The following LRRC4C variants were observed in gnomAD, a reference collection of about 807,000 sequenced individuals.
The protein encoded by LRRC4C is leucine-rich repeat-containing protein 4C.
Under a neutral mutation model 33.6 loss-of-function variants are expected in LRRC4C, and 5 were observed. The ratio of observed to expected loss-of-function variants is 0.15; its 90% CI spans 0.08 to 0.31. LRRC4C has a LOEUF of 0.31. Ranked by LOEUF, LRRC4C falls within the 10% of genes least tolerant of loss-of-function variation. The pLI, the probability that LRRC4C is intolerant of heterozygous loss-of-function variation, is 1.00. For synonymous variants in LRRC4C, 329 were observed against 302.0 expected (o/e 1.09, Z -0.93); for missense variants, 560 against 796.7 (o/e 0.70, Z 3.58).
chr11:40,456,459 T>A, intron 3 of LRRC4C, among the ~76,000 whole-genome samples: 1 of 150,750 alleles, frequency 6.6e-6, no homozygotes, highest in Non-Finnish European at 1.5e-5. Flanking sequence ...GAAAAAAAAG[T>A]CAAGGAAATC....
intron 1 of LRRC4C, among the ~76,000 whole-genome samples, chr11:41,351,541 A>T (rs2137573350): frequency 6.6e-6 from 1 of 152,268 alleles, no homozygotes; most frequent in East Asian, 1.9e-4. Context: ...ACACATAGTC[A>T]TCAGATTCTC....
chr11:41,424,398 T>C (rs1044183351), intron 1 of LRRC4C, among the ~76,000 whole-genome samples: 3 of 152,042 alleles, frequency 2.0e-5, no homozygotes, highest in Non-Finnish European at 4.4e-5. Flanking sequence ...TTAAAGCACT[T>C]TGGGTTGAGA....
chr11:40,542,052 C>CTCTT (rs77820700), intron 3 of LRRC4C, among the ~76,000 whole-genome samples: 10,662 of 149,312 alleles, frequency 0.071, 1,053 homozygotes, highest in African/African-American at 0.22. Context: ...TTCTCTTTCT[C>CTCTT]TCTTTCTTTC....
intron 5 of LRRC4C, among the ~76,000 whole-genome samples, chr11:40,171,573 A>T (rs1172740480): frequency 7.2e-6 from 1 of 139,792 alleles, no homozygotes; most frequent in African/African-American, 2.7e-5. Context: ...TATACCACAT[A>T]AAAAAGGGGT....
intron 1 of LRRC4C, among the ~76,000 whole-genome samples, chr11:41,366,018 A>C (rs920655077): frequency 6.6e-6 from 1 of 152,228 alleles, no homozygotes; most frequent in Non-Finnish European, 1.5e-5. Flanking sequence ...AATGTGTAGG[A>C]TAATAATGGC....
Position 40,955,883 on chromosome 11 carries a change from CAT to C in LRRC4C, c.-495-22162_-495-22161del, listed in dbSNP as rs551787182. On this transcript the variant is annotated intron_variant, in intron 1 of 6. Transcript: ENST00000528697. ...TAGAAAAACTCATACATTCCACACACATGGGAGACAAATTGCTTTGTTCAGTG... is the reference window on the plus strand; with the variant it reads ...TAGAAAAACTCATACATTCCACACACGGGAGACAAATTGCTTTGTTCAGTG... Among the ~76,000 whole-genome samples, 8 of 151,908 alleles carry C rather than the reference CAT, an allele frequency of 5.3e-5. No homozygotes were observed. The South Asian group carries it at 1.4e-3, about 28-fold the overall frequency.
At chr11:41,372,454 C>T (rs544958368) in intron 1 of LRRC4C, among the ~76,000 whole-genome samples, 1 of 152,272 alleles carries the variant, frequency 6.6e-6, no homozygotes, top group Non-Finnish European at 1.5e-5. Flanking sequence ...ATTATTGATA[C>T]ATGCATTTGG....
intron 1 of LRRC4C, among the ~76,000 whole-genome samples, chr11:41,335,338 G>A (rs1046481625): frequency 6.6e-6 from 1 of 152,042 alleles, no homozygotes; most frequent in African/African-American, 2.4e-5. Context: ...AGAGTTTAAG[G>A]GAAAGAATTT....
rs75840680 is a variant in LRRC4C at position 40,952,634 on chromosome 11, G to A, written c.-495-18911C>T. ...GATATGTATATATGATTTGGTTGAA[G>A]CAAACAGATGGGTAGAGGTCCAACA... On this transcript the variant is annotated intron_variant, in intron 1 of 6. Transcript: ENST00000528697. Among the ~76,000 whole-genome samples the A allele has an allele frequency of 2.4e-4, 36 of 152,028 alleles. 2 individuals are homozygous for A. In the East Asian group the frequency reaches 6.2e-3, roughly 26 times the overall value.
At chr11:40,153,331 A>G (rs1160365506) in intron 5 of LRRC4C, among the ~76,000 whole-genome samples, 1 of 152,172 alleles carries the variant, frequency 6.6e-6, no homozygotes, top group African/African-American at 2.4e-5. Flanking sequence ...GAGCCTATCC[A>G]AATGAGAAGG....
At chr11:40,733,011 C>T in intron 2 of LRRC4C, among the ~76,000 whole-genome samples, 1 of 147,548 alleles carries the variant, frequency 6.8e-6, no homozygotes, top group East Asian at 2.0e-4. Context: ...ACTACCATCA[C>T]AGAGGTTGGA....
chr11:40,840,021 A>G (rs1041767274), intron 2 of LRRC4C, among the ~76,000 whole-genome samples: 1 of 152,200 alleles, frequency 6.6e-6, no homozygotes, highest in African/African-American at 2.4e-5. Context: ...GAAAATGGAA[A>G]TATTATTCTT....
chr11:40,934,846 T>G lies in LRRC4C; in HGVS notation c.-495-1123A>C, dbSNP rs1957799628. ...TACTTGTTCTACACATTTAGAGTGC[T>G]AATAAGCTATTTATATTTAGAATAT... is the stretch of plus-strand genomic sequence containing the variant. On this transcript the variant is annotated intron_variant, in intron 1 of 6. Coordinates refer to ENST00000528697, the MANE Select transcript of LRRC4C (RefSeq NM_001258419.2). Among the ~76,000 whole-genome samples, 2 of 152,188 alleles carry G rather than the reference T, an allele frequency of 1.3e-5. 1 individual carries two copies. The highest frequency in any genetic ancestry group is 4.1e-4 in the South Asian group (2 of 4,834).
chr11:40,538,434 C>T (rs1407430960), intron 3 of LRRC4C, among the ~76,000 whole-genome samples: 1 of 152,188 alleles, frequency 6.6e-6, no homozygotes, highest in Non-Finnish European at 1.5e-5. Context: ...TTTCCAGCTT[C>T]ATCCATGTTC....
intron 1 of LRRC4C, among the ~76,000 whole-genome samples, chr11:41,141,683 T>TTC (rs1332820417): frequency 1.3e-5 from 2 of 152,096 alleles, no homozygotes; most frequent in East Asian, 3.9e-4. Context: ...CTGGCATTCA[T>TTC]TCTCTCTCCT....
intron 4 of LRRC4C, among the ~76,000 whole-genome samples, chr11:40,243,085 A>G (rs1866046532): frequency 6.6e-6 from 1 of 152,208 alleles, no homozygotes; most frequent in African/African-American, 2.4e-5. Flanking sequence ...CAATATTTCT[A>G]GAAAATTAAT....
intron 4 of LRRC4C, among the ~76,000 whole-genome samples, chr11:40,305,460 A>G (rs2136698601): frequency 6.6e-6 from 1 of 152,330 alleles, no homozygotes; most frequent in East Asian, 1.9e-4. Context: ...TTAGATCTGG[A>G]AATCAACTGC....
At chr11:40,915,371 G>C (rs982841461) in intron 2 of LRRC4C, among the ~76,000 whole-genome samples, 20 of 152,106 alleles carry the variant, frequency 1.3e-4, no homozygotes, top group Non-Finnish European at 2.5e-4. Context: ...GAAAAGAACA[G>C]AGCCCTCAGA....
chr11:41,296,960 G>T (rs542444162), intron 1 of LRRC4C, among the ~76,000 whole-genome samples: 18 of 152,110 alleles, frequency 1.2e-4, no homozygotes, highest in Non-Finnish European at 2.2e-4. Context: ...TTCTTTTACC[G>T]GATCTTAATG....
Sources: gnomAD v4.1 joint callset for allele counts (sites outside exome capture counted in the v4.1 genomes callset) on GRCh38, gnomAD v4.1.1 for gene constraint, MANE v1.5 for transcripts, NCBI Gene and HGNC (gene_info 2026-07-23, HGNC 2026-07-21) for gene names.